PAFAH1B1: variants seen among roughly 807,000 people sequenced by gnomAD.
The protein encoded by PAFAH1B1 is platelet-activating factor acetylhydrolase IB subunit beta.
In PAFAH1B1, 2 loss-of-function variants were observed where a neutral mutation model predicts 57.5. The ratio of observed to expected loss-of-function variants is 0.03; its 90% CI spans 0.01 to 0.11. The LOEUF (loss-of-function observed/expected upper bound fraction) is 0.11. Ranked by LOEUF, PAFAH1B1 falls within the 10% of genes least tolerant of loss-of-function variation. The pLI is 1.00. For missense variants in PAFAH1B1, 257 were observed against 512.0 expected (o/e 0.50, Z 4.81); for synonymous variants, 152 against 169.6 (o/e 0.90, Z 0.81).
intron 1 of PAFAH1B1, among the ~76,000 whole-genome samples, chr17:2,621,947 C>T (rs961818613): frequency 4.6e-5 from 7 of 151,708 alleles, no homozygotes; most frequent in African/African-American, 7.3e-5. Context: ...GCGAAAGGCA[C>T]CTATTACATT....
chr17:2,635,316 A>G (rs895513921), intron 1 of PAFAH1B1: 9 of 152,316 alleles, frequency 5.9e-5, no homozygotes, highest in Admixed American at 5.2e-4. Flanking sequence ...TATGTGTTTT[A>G]TCATTATTAG....
intron 2 of PAFAH1B1, chr17:2,639,281 C>G (rs1031055245): frequency 1.3e-5 from 2 of 152,154 alleles, no homozygotes; most frequent in African/African-American, 4.8e-5. Flanking sequence ...GGTGTGGAAT[C>G]TGTGCATTAG....
At chr17:2,601,722 A>G (rs1353165675) in intron 1 of PAFAH1B1, among the ~76,000 whole-genome samples, 1 of 152,110 alleles carries the variant, frequency 6.6e-6, no homozygotes, top group Non-Finnish European at 1.5e-5. Context: ...GATTACAGGC[A>G]TGCACCACGG....
chr17:2,666,850 A>C, intron 4 of PAFAH1B1, 142 bp from the exon 5 acceptor site: 1 of 626,992 alleles, frequency 1.6e-6, no homozygotes. Flanking sequence ...TTTTCATTTA[A>C]ATTTGACAAA....
At chr17:2,611,324 C>G (rs545814088) in intron 1 of PAFAH1B1, among the ~76,000 whole-genome samples, 13 of 151,714 alleles carry the variant, frequency 8.6e-5, no homozygotes, top group African/African-American at 2.2e-4. Flanking sequence ...AAAAATTAAC[C>G]GAGCATGGTT....
At chr17:2,653,408 T>G (rs1404167516) in intron 2 of PAFAH1B1, among the ~76,000 whole-genome samples, 1 of 141,766 alleles carries the variant, frequency 7.1e-6, no homozygotes, top group Non-Finnish European at 1.6e-5. Flanking sequence ...ACCCTAGAAC[T>G]TAAAAGTATT....
chr17:2,634,176 C>A (rs2068592331), intron 1 of PAFAH1B1, among the ~76,000 whole-genome samples: 1 of 151,966 alleles, frequency 6.6e-6, no homozygotes, highest in Non-Finnish European at 1.5e-5. Context: ...TGCTCTGTTG[C>A]CCACCCTGGA....
chr17:2,633,429 A>G (rs2068581124), intron 1 of PAFAH1B1, among the ~76,000 whole-genome samples: 2 of 151,546 alleles, frequency 1.3e-5, no homozygotes, highest in Middle Eastern at 3.4e-3. Context: ...CAGCCTCCCA[A>G]AGTGCTGGGA....
At chr17:2,681,691 C>T (rs771577108) in intron 10 of PAFAH1B1, 38 bp from the exon 11 acceptor site, 19 of 1,509,692 alleles carry the variant, frequency 1.3e-5, no homozygotes, top group African/African-American at 5.5e-5. Flanking sequence ...TCCAGGCTTA[C>T]GTGTGAGTTT....
intron 10 of PAFAH1B1, among the ~76,000 whole-genome samples, chr17:2,680,612 T>G (rs2069367875): frequency 6.6e-6 from 1 of 152,220 alleles, no homozygotes; most frequent in Non-Finnish European, 1.5e-5. Context: ...GGGTAATTTT[T>G]CTCCCCTATT....
intron 1 of PAFAH1B1, among the ~76,000 whole-genome samples, chr17:2,630,925 A>G (rs1327516792): frequency 6.6e-6 from 1 of 152,114 alleles, no homozygotes; most frequent in African/African-American, 2.4e-5. Flanking sequence ...CATCCACATG[A>G]TCAAATATCA....
At chr17:2,675,559 T>C (rs2069249753) in intron 8 of PAFAH1B1, among the ~76,000 whole-genome samples, 1 of 151,964 alleles carries the variant, frequency 6.6e-6, no homozygotes, top group Non-Finnish European at 1.5e-5. Flanking sequence ...CCCAGCACTT[T>C]GGGAAGTCAA....
chr17:2,606,810 C>CTTTTTTTTTTTTTTTTTTTTTTTTT lies in PAFAH1B1; in HGVS notation c.-191+12807_-191+12831dup, dbSNP rs770011553. Among the ~76,000 whole-genome samples, 2 of 101,714 alleles carry CTTTTTTTTTTTTTTTTTTTTTTTTT rather than the reference C, an allele frequency of 2.0e-5. 1 individual carries two copies. The highest frequency in any genetic ancestry group is 7.9e-5 in the African/African-American group (2 of 25,374). 66.7% of individuals were successfully genotyped at this position (101,714 alleles called of 152,430 possible). A position where few individuals can be genotyped will look rare whatever the true frequency, so the allele number is the denominator to read the frequency against. ...ACATTTTGTCATATTTGCCTCAGAG[C>CTTTTTTTTTTTTTTTTTTTTTTTTT]TTTTTTTTTTTTTTTTTTTTTTTTT... On this transcript the variant is annotated intron_variant, in intron 1 of 10. Coordinates refer to ENST00000397195, the MANE Select transcript of PAFAH1B1 (RefSeq NM_000430.4).
At chr17:2,594,624 A>G (rs1032532774) in intron 1 of PAFAH1B1, among the ~76,000 whole-genome samples, 2 of 152,162 alleles carry the variant, frequency 1.3e-5, no homozygotes, top group African/African-American at 4.8e-5. Flanking sequence ...GCGGCGGTCC[A>G]GCCTCAGCAC....
chr17:2,639,046 A>G (rs916617711), intron 2 of PAFAH1B1, among the ~76,000 whole-genome samples: 1 of 151,874 alleles, frequency 6.6e-6, no homozygotes, highest in African/African-American at 2.4e-5. Flanking sequence ...ACTACAGGTG[A>G]CCGTCAACAC....
intron 2 of PAFAH1B1, among the ~76,000 whole-genome samples, chr17:2,660,989 T>C (rs1420585525): frequency 6.6e-6 from 1 of 152,212 alleles, no homozygotes; most frequent in Non-Finnish European, 1.5e-5. Context: ...GATTTGCATT[T>C]CTCTAATGAT....
chr17:2,602,470 A>G (rs2068155388), intron 1 of PAFAH1B1, among the ~76,000 whole-genome samples: 2 of 152,156 alleles, frequency 1.3e-5, no homozygotes, highest in African/African-American at 4.8e-5. Flanking sequence ...TTCTTCCTCT[A>G]TATCCAATCA....
intron 1 of PAFAH1B1, among the ~76,000 whole-genome samples, chr17:2,633,961 C>CT (rs553588827): frequency 0.038 from 4,566 of 119,648 alleles, 199 homozygotes; most frequent in East Asian, 0.19. Flanking sequence ...AGTACCAAAC[C>CT]TTTTTTTTTT....
intron 2 of PAFAH1B1, among the ~76,000 whole-genome samples, chr17:2,652,572 C>T (rs531732547): frequency 3.0e-5 from 4 of 133,894 alleles, no homozygotes; most frequent in Non-Finnish European, 5.0e-5. Context: ...TCTGTTTGAA[C>T]ATCATATATA....
Sources: allele counts gnomAD v4.1 joint callset (sites outside exome capture counted in the v4.1 genomes callset), GRCh38; gene constraint gnomAD v4.1.1; transcripts MANE v1.5; gene names NCBI Gene and HGNC (gene_info 2026-07-23, HGNC 2026-07-21).